FAM227B: variants seen among roughly 807,000 people sequenced by gnomAD.
FAM227B encodes family with sequence similarity 227 member B.
A neutral mutation model predicts 73.8 loss-of-function variants in FAM227B; 88 were observed. The ratio of observed to expected loss-of-function variants is 1.19; its 90% CI spans 1.00 to 1.42. The LOEUF is 1.42. Ranked by LOEUF, FAM227B falls within the 40% of genes most tolerant of loss-of-function variation. The pLI is 0.00. For synonymous variants in FAM227B, 210 were observed against 190.5 expected (o/e 1.10, Z -0.84); for missense variants, 632 against 590.9 (o/e 1.07, Z -0.72).
At position 49,367,635 on chromosome 15, in the gene FAM227B, C is replaced by T. The variant is rs758091348; in HGVS notation, c.1111-27G>A. On this transcript the variant is annotated intron_variant, in intron 12 of 15. Coordinates refer to ENST00000299338, the MANE Select transcript of FAM227B (RefSeq NM_152647.3). Reference sequence around the variant, plus strand: ...TGTAAGAGGAAGAAAATAATCAAGACAACGATTACTTTTGTGTTTCTAAAA... The same window carrying T: ...TGTAAGAGGAAGAAAATAATCAAGATAACGATTACTTTTGTGTTTCTAAAA... 4.3e-5 allele frequency: 66 copies of T among 1,527,794 alleles called. No individual in the cohort carries two copies. The Admixed American group carries it at 4.3e-4, about 10-fold the overall frequency. 94.6% of individuals were successfully genotyped at this position (1,527,794 alleles called of 1,614,324 possible).
At chr15:49,467,825 C>A (rs527368192) in intron 11 of FAM227B, among the ~76,000 whole-genome samples, 2 of 152,158 alleles carry the variant, frequency 1.3e-5, no homozygotes, top group South Asian at 2.1e-4. Flanking sequence ...AAAGGTGGGT[C>A]CCTTGCATTC....
chr15:49,364,563 C>T (rs1214878240), intron 13 of FAM227B, among the ~76,000 whole-genome samples: 2 of 151,942 alleles, frequency 1.3e-5, no homozygotes, highest in Non-Finnish European at 2.9e-5. Context: ...TTTCAGTTCT[C>T]AAGTTTATGA....
intron 3 of FAM227B, among the ~76,000 whole-genome samples, chr15:49,599,014 T>C (rs1258243661): frequency 6.6e-6 from 1 of 152,110 alleles, no homozygotes; most frequent in East Asian, 1.9e-4. Context: ...CTGAGAAAGA[T>C]TGATACTAAT....
intron 15 of FAM227B, 167 bp from the exon 16 acceptor site, chr15:49,328,842 C>A: frequency 4.4e-6 from 6 of 1,378,882 alleles, no homozygotes; most frequent in Non-Finnish European, 5.6e-6. Flanking sequence ...TATTTGTAAA[C>A]CATGTAATAT....
At chr15:49,353,475 AT>A (rs1244150004) in intron 13 of FAM227B, 6 of 152,182 alleles carry the variant, frequency 3.9e-5, no homozygotes, top group African/African-American at 1.4e-4. Flanking sequence ...TTAGGCCTGT[AT>A]GTTTTGAACA....
chr15:49,619,466 T>G (rs970212555), intron 1 of FAM227B, among the ~76,000 whole-genome samples: 2 of 152,194 alleles, frequency 1.3e-5, no homozygotes, highest in African/African-American at 4.8e-5. Flanking sequence ...TCTGACTACC[T>G]TGCTGCCATA....
chr15:49,487,243 C>T (rs1472700438), intron 11 of FAM227B: 3 of 151,442 alleles, frequency 2.0e-5, no homozygotes, highest in Non-Finnish European at 3.0e-5. Flanking sequence ...AAGCTTTGTG[C>T]AAAATATACA....
chr15:49,374,696 C>T (rs1162177295), intron 11 of FAM227B, among the ~76,000 whole-genome samples: 1 of 152,148 alleles, frequency 6.6e-6, no homozygotes, highest in Non-Finnish European at 1.5e-5. Context: ...GTGTTCACCA[C>T]CATGGCCAGC....
At position 49,356,140 on chromosome 15, in the gene FAM227B, C is replaced by G. The variant is rs560670992; in HGVS notation, c.1271+11308G>C. 4.9e-3 allele frequency among the ~76,000 whole-genome samples: 752 copies of G among 152,160 alleles called. 6 individuals carry two copies. Among genetic ancestry groups the G allele is most frequent in the African/African-American group, 0.017 (718 of 41,488 alleles). On this transcript the variant is annotated intron_variant, in intron 13 of 15. Transcript: ENST00000299338. ...GGTACCAGCCGCTGTAAAATCATGC[C>G]AAAATGTAAAGACCATCGAGACTAG...
chr15:49,577,889 C>A (rs1397736348), intron 5 of FAM227B, among the ~76,000 whole-genome samples: 1 of 152,054 alleles, frequency 6.6e-6, no homozygotes, highest in Non-Finnish European at 1.5e-5. Context: ...CATATACAAA[C>A]AAAACAAATA....
intron 11 of FAM227B, among the ~76,000 whole-genome samples, chr15:49,493,966 C>T (rs117718380): frequency 0.017 from 2,580 of 151,494 alleles, 33 homozygotes; most frequent in Middle Eastern, 0.038. Context: ...ATCCATGCTT[C>T]AAAATTTAAA....
chr15:49,524,907 C>G (rs904534982), intron 10 of FAM227B, among the ~76,000 whole-genome samples: 24 of 152,138 alleles, frequency 1.6e-4, no homozygotes, highest in African/African-American at 5.3e-4. Flanking sequence ...TTTGGAATGG[C>G]TGTATTTACC....
chr15:49,535,599 G>A (rs1458632690), intron 10 of FAM227B, among the ~76,000 whole-genome samples: 1 of 151,726 alleles, frequency 6.6e-6, no homozygotes, highest in African/African-American at 2.4e-5. Context: ...ACTGAAACCA[G>A]ACAGAGATAT....
At chr15:49,511,890 T>TA (rs1299325322) in intron 10 of FAM227B, among the ~76,000 whole-genome samples, 1 of 152,154 alleles carries the variant, frequency 6.6e-6, no homozygotes, top group Non-Finnish European at 1.5e-5. Flanking sequence ...GTCTTTGCTA[T>TA]AGTTAACAGT....
chr15:49,601,846 G>A (rs1323684744), intron 3 of FAM227B, among the ~76,000 whole-genome samples: 1 of 152,072 alleles, frequency 6.6e-6, no homozygotes, highest in African/African-American at 2.4e-5. Flanking sequence ...ATTTCCATGA[G>A]TTCAATTGTT....
chr15:49,558,408 C>T (rs902518474), intron 9 of FAM227B, among the ~76,000 whole-genome samples: 1 of 152,202 alleles, frequency 6.6e-6, no homozygotes, highest in Admixed American at 6.5e-5. Flanking sequence ...AAGTGAAGTG[C>T]AAGTGTGCCA....
At chr15:49,447,969 A>AACT (rs1238314055) in intron 11 of FAM227B, among the ~76,000 whole-genome samples, 1 of 151,756 alleles carries the variant, frequency 6.6e-6, no homozygotes, top group Non-Finnish European at 1.5e-5. Context: ...ACCAGAGAAG[A>AACT]ACTTCATCAT....
chr15:49,337,537 G>GTATT (rs1430222001), intron 13 of FAM227B, among the ~76,000 whole-genome samples: 1 of 36,188 alleles, frequency 2.8e-5, no homozygotes, highest in Admixed American at 3.1e-4. Flanking sequence ...TTTTTTTTTA[G>GTATT]TATTATACTT....
intron 11 of FAM227B, among the ~76,000 whole-genome samples, chr15:49,443,233 TAAAAG>T (rs942136756): frequency 4.0e-5 from 6 of 151,684 alleles, no homozygotes; most frequent in African/African-American, 9.7e-5. Flanking sequence ...TAAATTACAT[TAAAAG>T]AAAAGTAATA....
Sources: gnomAD v4.1 joint callset for allele counts (sites outside exome capture counted in the v4.1 genomes callset) on GRCh38, gnomAD v4.1.1 for gene constraint, MANE v1.5 for transcripts, NCBI Gene and HGNC (gene_info 2026-07-23, HGNC 2026-07-21) for gene names.